ATP11A: variants seen among roughly 807,000 people sequenced by gnomAD.
ATP11A encodes phospholipid-transporting ATPase IH.
In ATP11A, 81 loss-of-function variants were observed where a neutral mutation model predicts 154.4. That is an observed-to-expected ratio of 0.52 (90% confidence interval 0.44 to 0.63). The LOEUF (loss-of-function observed/expected upper bound fraction) is 0.63, where lower values mean the gene tolerates loss of function less well. Ranked by LOEUF, ATP11A falls within the 30% of genes least tolerant of loss-of-function variation. The pLI, the probability that ATP11A is intolerant of heterozygous loss-of-function variation, is 0.00. For missense variants in ATP11A, 1,316 were observed against 1,474.3 expected (o/e 0.89, Z 1.76); for synonymous variants, 623 against 585.9 (o/e 1.06, Z -0.91).
chr13:112,842,489 G>C, intron 17 of ATP11A, 110 bp downstream of exon 17: 1 of 883,532 alleles, frequency 1.1e-6, no homozygotes, highest in Non-Finnish European at 1.8e-6. Flanking sequence ...TATTCCTTGG[G>C]GAATGTTTAG....
Position 112,883,127 on chromosome 13 carries a change from T to C in ATP11A, c.*1261T>C. On this transcript the variant is annotated 3_prime_UTR_variant, in exon 30 of 30. Transcript: ENST00000375645. ...GTCCCCACGTCCCCTCGTCTCCTCA[T>C]CCCCACGTCCTCTCGTCCCCTTGTC... 3.3e-6 allele frequency: 1 copy of C among 301,564 alleles called. No individual in the cohort carries two copies. Among genetic ancestry groups the C allele is most frequent in the Non-Finnish European group, 5.5e-6 (1 of 182,176 alleles). The allele number at this position is 301,564 out of a possible 1,614,324, so 18.7% of individuals were successfully genotyped here.
chr13:112,823,787 T>C (rs1566533644), intron 9 of ATP11A, among the ~76,000 whole-genome samples: 1 of 152,240 alleles, frequency 6.6e-6, no homozygotes, highest in Non-Finnish European at 1.5e-5. Context: ...AGTATACAAG[T>C]GTGCCCCACT....
intron 1 of ATP11A, among the ~76,000 whole-genome samples, chr13:112,742,678 T>G (rs2139759677): frequency 6.6e-6 from 1 of 152,338 alleles, no homozygotes; most frequent in South Asian, 2.1e-4. Context: ...CTCCATTTTA[T>G]TTCACTTAGA....
chr13:112,881,510 C>A, intron 29 of ATP11A: 1 of 1,120,974 alleles, frequency 8.9e-7, no homozygotes, highest in Non-Finnish European at 1.1e-6. Flanking sequence ...GGTTTCCCGT[C>A]CATGGCCTGT....
intron 29 of ATP11A, 128 bp downstream of exon 29, chr13:112,878,431 C>G (rs1314080209): frequency 1.6e-5 from 15 of 961,552 alleles, no homozygotes; most frequent in Non-Finnish European, 2.4e-5. Context: ...ACAGCAGCCT[C>G]ACGTCGGGAA....
intron 1 of ATP11A, among the ~76,000 whole-genome samples, chr13:112,750,645 T>TC (rs1207964740): frequency 2.0e-5 from 3 of 148,592 alleles, no homozygotes; most frequent in Non-Finnish European, 4.5e-5. Context: ...CGGGGTTGAA[T>TC]CCCCCTTCAG....
chr13:112,787,190 A>G (rs1164671940), intron 2 of ATP11A, among the ~76,000 whole-genome samples: 2 of 142,300 alleles, frequency 1.4e-5, no homozygotes, highest in Non-Finnish European at 3.0e-5. Flanking sequence ...GTGGAGACCT[A>G]CTTAATTCAC....
At chr13:112,748,390 G>A (rs764662461) in intron 1 of ATP11A, among the ~76,000 whole-genome samples, 3 of 151,914 alleles carry the variant, frequency 2.0e-5, no homozygotes, top group Non-Finnish European at 2.9e-5. Flanking sequence ...TATTGAGATG[G>A]GATCTTGCTC....
chr13:112,723,049 C>G (rs777986795), intron 1 of ATP11A, among the ~76,000 whole-genome samples: 1 of 152,038 alleles, frequency 6.6e-6, no homozygotes, highest in Admixed American at 6.5e-5. Context: ...TAAGGAGGCC[C>G]TGTCAGAGTC....
chr13:112,705,976 C>A (rs769806083), intron 1 of ATP11A, among the ~76,000 whole-genome samples: 1 of 152,182 alleles, frequency 6.6e-6, no homozygotes. Flanking sequence ...ACGATCATCA[C>A]CGCCAGGTAC....
At position 112,884,275 on chromosome 13, in the gene ATP11A, A is replaced by G. The variant is rs752282942; in HGVS notation, c.*2409A>G. ...TTTGTTGCAATTTCATCTGCTTTCT[A>G]TGTTTCATTGTTAATTGCCATCCTT... On this transcript the variant is annotated 3_prime_UTR_variant, in exon 30 of 30. Transcript: ENST00000375645. The G allele has an allele frequency of 2.3e-4, 35 of 152,560 alleles. No individual in the cohort carries two copies. The highest frequency in any genetic ancestry group is 4.3e-4 in the Non-Finnish European group (29 of 68,014). 9.5% of individuals were successfully genotyped at this position (152,560 alleles called of 1,614,324 possible).
intron 3 of ATP11A, among the ~76,000 whole-genome samples, chr13:112,805,959 G>A (rs536388151): frequency 4.6e-5 from 7 of 151,888 alleles, no homozygotes; most frequent in South Asian, 4.2e-4. Flanking sequence ...GGCGTGCCCC[G>A]ACTTCAGACT....
At chr13:112,805,169 A>G (rs986107611) in intron 3 of ATP11A, 123 bp downstream of exon 3, 7 of 656,008 alleles carry the variant, frequency 1.1e-5, no homozygotes, top group Middle Eastern at 2.6e-4. Flanking sequence ...ACCTATGATT[A>G]ATTTATTTAT....
At chr13:112,810,537 C>A in intron 4 of ATP11A, 82 bp from the exon 5 acceptor site, 2 of 1,179,608 alleles carry the variant, frequency 1.7e-6, no homozygotes, top group Non-Finnish European at 2.5e-6. Context: ...TAATTAAACA[C>A]AAGCCTTCTG....
At chr13:112,741,699 C>T (rs1331051763) in intron 1 of ATP11A, among the ~76,000 whole-genome samples, 1 of 152,200 alleles carries the variant, frequency 6.6e-6, no homozygotes, top group Non-Finnish European at 1.5e-5. Flanking sequence ...CCACCTCTCT[C>T]TCTGCCCATA....
intron 2 of ATP11A, among the ~76,000 whole-genome samples, chr13:112,792,244 T>A (rs1420074098): frequency 6.6e-6 from 1 of 152,160 alleles, no homozygotes. Flanking sequence ...ACAGTAACCT[T>A]GATCCAGGTA....
In ATP11A at chr13:112,862,503, G is replaced by A; in HGVS notation, c.2919G>A (p.Leu973=). ...TCATCTACTGGACGCTCCTGGGACTGTTTGACGCACTGGTGTTCTTCTTTG... is the reference window on the plus strand; with the variant it reads ...TCATCTACTGGACGCTCCTGGGACTATTTGACGCACTGGTGTTCTTCTTTG... ...RVFIYWTLLG[L]FDALVFFFGA... The change falls in exon 25 of 30, where the codon CTG becomes CTA. Residue 973 remains leucine (L), a synonymous_variant. Coordinates refer to ENST00000375645, the MANE Select transcript of ATP11A (RefSeq NM_015205.3). 1 of 1,614,194 alleles carries A rather than the reference G, an allele frequency of 6.2e-7. No homozygotes were observed. Among genetic ancestry groups the A allele is most frequent in the South Asian group, 1.1e-5 (1 of 91,078 alleles).
chr13:112,798,643 CTAAG>C (rs1261679288), intron 2 of ATP11A, among the ~76,000 whole-genome samples: 1 of 152,052 alleles, frequency 6.6e-6, no homozygotes, highest in Non-Finnish European at 1.5e-5. Context: ...AGTGCAACCA[CTAAG>C]TAATTTTTTT....
chr13:112,784,095 T>C (rs551958406), intron 1 of ATP11A, among the ~76,000 whole-genome samples: 61 of 152,314 alleles, frequency 4.0e-4, no homozygotes, highest in Non-Finnish European at 6.0e-4. Flanking sequence ...AACAGCTTCA[T>C]TGAAGAGGCT....
Sources: allele counts gnomAD v4.1 joint callset (sites outside exome capture counted in the v4.1 genomes callset), GRCh38; gene constraint gnomAD v4.1.1; transcripts MANE v1.5; gene names NCBI Gene and HGNC (gene_info 2026-07-23, HGNC 2026-07-21).